Variants in POU2F1 observed in about 807,000 individuals in gnomAD.
POU2F1 encodes the protein POU class 2 homeobox 1.
In POU2F1, 16 loss-of-function variants were observed where a neutral mutation model predicts 84.9. The observed-to-expected ratio is 0.19, with a 90% CI of 0.13 to 0.29. The LOEUF (loss-of-function observed/expected upper bound fraction) is 0.29. Ranked by LOEUF, POU2F1 falls within the 10% of genes least tolerant of loss-of-function variation. POU2F1 has a pLI of 1.00. For synonymous variants in POU2F1, 368 were observed against 368.3 expected, an observed-to-expected ratio of 1.00 and a Z score of 0.01; for missense variants, 738 against 942.6, an observed-to-expected ratio of 0.78 and a Z score of 2.84.
intron 1 of POU2F1, among the ~76,000 whole-genome samples, chr1:167,293,022 C>T (rs1476493523): frequency 6.6e-6 from 1 of 152,032 alleles, no homozygotes; most frequent in Admixed American, 6.5e-5. Context: ...TTAGTAAAGC[C>T]ATATCTGACA....
chr1:167,337,292 C>A (rs1459731508), intron 2 of POU2F1, among the ~76,000 whole-genome samples: 2 of 151,764 alleles, frequency 1.3e-5, no homozygotes, highest in Non-Finnish European at 1.5e-5. Flanking sequence ...CGCCACTGCA[C>A]TCCAGCCTGG....
intron 10 of POU2F1, among the ~76,000 whole-genome samples, chr1:167,397,736 G>C (rs746933412): frequency 2.0e-5 from 3 of 152,140 alleles, no homozygotes; most frequent in African/African-American, 4.8e-5. Flanking sequence ...GGTAGAGATG[G>C]GGTTTCACCA....
intron 1 of POU2F1, among the ~76,000 whole-genome samples, chr1:167,243,537 G>A (rs562601873): frequency 1.1e-4 from 17 of 152,206 alleles, no homozygotes; most frequent in African/African-American, 2.2e-4. Flanking sequence ...GTGCAGTGGC[G>A]TGATCTTGGC....
intron 1 of POU2F1, among the ~76,000 whole-genome samples, chr1:167,269,013 G>T (rs1229995930): frequency 2.6e-5 from 4 of 152,200 alleles, no homozygotes; most frequent in Non-Finnish European, 5.9e-5. Flanking sequence ...GCTGAGAGCA[G>T]TTCATGTAAT....
Position 167,413,100 on chromosome 1 carries a change from T to G in POU2F1, c.1976T>G (p.Leu659Arg). 1 of 1,613,296 alleles carries G rather than the reference T, an allele frequency of 6.2e-7. No individual in the cohort carries two copies. Among genetic ancestry groups the G allele is most frequent in the Non-Finnish European group, 8.5e-7 (1 of 1,179,292 alleles). Residue 659 changes from leucine (L) to arginine (R), a missense_variant, in exon 15 of 16, where the codon CTG becomes CGG. This residue lies in a region of POU2F1 where 319 missense variants were observed against 386.0 expected (regional missense o/e 0.83). Transcript: ENST00000367866. Reference protein sequence around the residue: ...LSPALMSNSTLATIQALASGG... With the variant: ...LSPALMSNSTRATIQALASGG... ...CCAGCTCTAATGAGCAACAGTACAC[T>G]GGCAACTATTCAAGGTCAGTAGAAG...
At chr1:167,355,849 AT>A (rs1553213548) in intron 2 of POU2F1, among the ~76,000 whole-genome samples, 1 of 152,048 alleles carries the variant, frequency 6.6e-6, no homozygotes, top group Non-Finnish European at 1.5e-5. Context: ...AACTTGCTGT[AT>A]TTTGATAGAT....
chr1:167,241,387 G>T (rs1179642097), intron 1 of POU2F1: 1 of 152,138 alleles, frequency 6.6e-6, no homozygotes, highest in Non-Finnish European at 1.5e-5. Flanking sequence ...GAATTAATCA[G>T]GAACCTTTTA....
intron 2 of POU2F1, among the ~76,000 whole-genome samples, chr1:167,335,268 GATAA>G (rs1657368681): frequency 6.6e-6 from 1 of 152,298 alleles, no homozygotes; most frequent in Non-Finnish European, 1.5e-5. Flanking sequence ...AGATAAGACA[GATAA>G]ATAACTGATT....
At chr1:167,272,039 A>G (rs75551528) in intron 1 of POU2F1, among the ~76,000 whole-genome samples, 1,766 of 152,282 alleles carry the variant, frequency 0.012, 33 homozygotes, top group African/African-American at 0.04. Context: ...AGCAGAGTTG[A>G]ATAGTTGTGG....
chr1:167,342,464 C>T (rs1657922580), intron 2 of POU2F1, among the ~76,000 whole-genome samples: 5 of 152,102 alleles, frequency 3.3e-5, no homozygotes, highest in Admixed American at 3.3e-4. Flanking sequence ...ATTATATGCT[C>T]ATTTATATTC....
intron 1 of POU2F1, among the ~76,000 whole-genome samples, chr1:167,288,825 A>G (rs1216501708): frequency 6.6e-6 from 1 of 152,236 alleles, no homozygotes; most frequent in African/African-American, 2.4e-5. Flanking sequence ...GTTTGGATCT[A>G]GAATTTCCGT....
intron 13 of POU2F1, among the ~76,000 whole-genome samples, chr1:167,402,858 C>T (rs572544295): frequency 6.6e-6 from 1 of 152,316 alleles, no homozygotes; most frequent in African/African-American, 2.4e-5. Flanking sequence ...CTGCCAGTCA[C>T]CTGGTAAATT....
intron 1 of POU2F1, among the ~76,000 whole-genome samples, chr1:167,332,220 A>G (rs965481598): frequency 6.6e-6 from 1 of 152,136 alleles, no homozygotes; most frequent in South Asian, 2.1e-4. Context: ...CTTTCTTTAA[A>G]GAATCTTAAA....
intron 12 of POU2F1, among the ~76,000 whole-genome samples, chr1:167,400,729 G>C (rs1290950650): frequency 6.6e-6 from 1 of 152,166 alleles, no homozygotes; most frequent in Non-Finnish European, 1.5e-5. Context: ...CAAAAGATGG[G>C]AATATTGTTG....
At chr1:167,383,785 A>T (rs1293368410) in intron 7 of POU2F1, 72 bp from the exon 8 acceptor site, 1 of 1,365,810 alleles carries the variant, frequency 7.3e-7, no homozygotes, top group African/African-American at 1.5e-5. Flanking sequence ...TCATTTTCTG[A>T]TTCTTTCTTT....
chr1:167,401,850 A>G (rs573573436), intron 13 of POU2F1, among the ~76,000 whole-genome samples: 1 of 152,310 alleles, frequency 6.6e-6, no homozygotes, highest in East Asian at 1.9e-4. Flanking sequence ...GCCTCCATCC[A>G]TACCTTTGTA....
intron 1 of POU2F1, among the ~76,000 whole-genome samples, chr1:167,268,530 T>C (rs1652143511): frequency 6.6e-6 from 1 of 152,118 alleles, no homozygotes; most frequent in Non-Finnish European, 1.5e-5. Context: ...TAGGCTGCCA[T>C]GTTCTTTTTT....
intron 4 of POU2F1, among the ~76,000 whole-genome samples, chr1:167,371,104 A>G (rs1659976104): frequency 6.6e-6 from 1 of 152,202 alleles, no homozygotes; most frequent in African/African-American, 2.4e-5. Flanking sequence ...GAGAAAAGAA[A>G]AAGAGATAAT....
intron 1 of POU2F1, among the ~76,000 whole-genome samples, chr1:167,222,075 C>T (rs1297443006): frequency 2.0e-5 from 3 of 152,142 alleles, no homozygotes; most frequent in African/African-American, 4.8e-5. Context: ...GGCGGGTGGC[C>T]CTCCGGGGCC....
Sources: gnomAD v4.1 joint callset for allele counts (sites outside exome capture counted in the v4.1 genomes callset) on GRCh38, gnomAD v4.1.1 for gene constraint, gnomAD v4.1.1 regional missense constraint, MANE v1.5 for transcripts, NCBI Gene and HGNC (gene_info 2026-07-23, HGNC 2026-07-21) for gene names.